Variants in IPO11 observed in about 807,000 individuals in gnomAD.
IPO11 encodes the protein importin 11.
IPO11 carries 66 observed loss-of-function variants against 143.2 expected under a neutral mutation model. The ratio of observed to expected loss-of-function variants is 0.46; its 90% CI spans 0.38 to 0.57. IPO11 has a LOEUF of 0.57. Ranked by LOEUF, IPO11 falls within the 20% of genes least tolerant of loss-of-function variation. IPO11 has a pLI of 0.00. For missense variants in IPO11, 1,026 were observed against 1,141.0 expected, an observed-to-expected ratio of 0.90 and a Z score of 1.45; for synonymous variants, 385 against 377.8, an observed-to-expected ratio of 1.02 and a Z score of -0.22.
intron 28 of IPO11, among the ~76,000 whole-genome samples, chr5:62,592,078 G>T (rs537883263): frequency 6.6e-6 from 1 of 152,056 alleles, no homozygotes; most frequent in Non-Finnish European, 1.5e-5. Flanking sequence ...TTGAACTCCC[G>T]ACCTCAAGTG....
intron 27 of IPO11, among the ~76,000 whole-genome samples, chr5:62,562,801 T>A (rs375089243): frequency 3.3e-5 from 5 of 152,372 alleles, no homozygotes; most frequent in South Asian, 4.1e-4. Flanking sequence ...TAAGGACATA[T>A]GTAATTATTT....
At chr5:62,559,916 CAAAAAAAAAAAAA>C (rs759468696) in intron 26 of IPO11, among the ~76,000 whole-genome samples, 1 of 17,028 alleles carries the variant, frequency 5.9e-5, no homozygotes, top group African/African-American at 3.6e-4. Flanking sequence ...AACTCTGTCT[CAAAAAAAAAAAAA>C]AAAAAAAAAA....
intron 19 of IPO11, among the ~76,000 whole-genome samples, chr5:62,506,951 A>G (rs1741574972): frequency 6.6e-6 from 1 of 152,188 alleles, no homozygotes. Context: ...GCATTGTATT[A>G]GGAAAGATAA....
intron 29 of IPO11, among the ~76,000 whole-genome samples, chr5:62,621,468 A>G (rs1276965039): frequency 6.6e-6 from 1 of 152,144 alleles, no homozygotes; most frequent in Admixed American, 6.5e-5. Context: ...TACATTTCCC[A>G]AGGCTCCACC....
intron 2 of IPO11, among the ~76,000 whole-genome samples, chr5:62,440,128 T>C (rs1305059703): frequency 6.6e-6 from 1 of 152,258 alleles, no homozygotes; most frequent in East Asian, 1.9e-4. Flanking sequence ...CAAGACTCAA[T>C]GTAGTATAGA....
intron 27 of IPO11, among the ~76,000 whole-genome samples, chr5:62,570,020 T>C (rs912483328): frequency 5.3e-5 from 8 of 152,206 alleles, no homozygotes; most frequent in Admixed American, 3.9e-4. Flanking sequence ...GTTTGGGGAC[T>C]GGTTTTCCAG....
At chr5:62,554,022 C>T (rs1011828609) in intron 26 of IPO11, among the ~76,000 whole-genome samples, 1 of 152,114 alleles carries the variant, frequency 6.6e-6, no homozygotes, top group Non-Finnish European at 1.5e-5. Context: ...TGAGTCACTG[C>T]GCCTGGCAGA....
At chr5:62,417,925 T>C (rs539084223) in intron 1 of IPO11, among the ~76,000 whole-genome samples, 3 of 152,198 alleles carry the variant, frequency 2.0e-5, no homozygotes, top group Non-Finnish European at 2.9e-5. Context: ...TATTAACTTA[T>C]GTGTAACCCC....
At chr5:62,549,832 C>A (rs948185686) in intron 24 of IPO11, among the ~76,000 whole-genome samples, 3 of 152,178 alleles carry the variant, frequency 2.0e-5, no homozygotes, top group African/African-American at 7.2e-5. Context: ...ATACTCATGA[C>A]TGATCTGTAT....
At chr5:62,591,021 C>T (rs1031036818) in intron 27 of IPO11, among the ~76,000 whole-genome samples, 9 of 152,146 alleles carry the variant, frequency 5.9e-5, no homozygotes. Flanking sequence ...CAGTCTTGAA[C>T]TCCTGGCCTC....
At chr5:62,525,733 A>AT (rs1742350062) in intron 20 of IPO11, among the ~76,000 whole-genome samples, 1 of 152,184 alleles carries the variant, frequency 6.6e-6, no homozygotes, top group Non-Finnish European at 1.5e-5. Context: ...CTGTTCCATA[A>AT]TTCGGTTACT....
At chr5:62,617,795 G>A (rs1019903633) in intron 29 of IPO11, among the ~76,000 whole-genome samples, 6 of 152,060 alleles carry the variant, frequency 3.9e-5, no homozygotes, top group African/African-American at 1.4e-4. Context: ...AGTTTTATAG[G>A]ATTCTAAAAA....
At chr5:62,525,500 C>T (rs558421994) in intron 20 of IPO11, among the ~76,000 whole-genome samples, 35 of 152,206 alleles carry the variant, frequency 2.3e-4, no homozygotes, top group African/African-American at 8.2e-4. Context: ...CCTCCTGCCT[C>T]AGTCTCCTGA....
At chr5:62,507,396 T>A (rs1170332349) in intron 19 of IPO11, among the ~76,000 whole-genome samples, 1 of 152,202 alleles carries the variant, frequency 6.6e-6, no homozygotes, top group African/African-American at 2.4e-5. Flanking sequence ...TTGATGGTGT[T>A]TTTTTCAACA....
At chr5:62,480,736 G>T (rs1746164509) in intron 9 of IPO11, among the ~76,000 whole-genome samples, 1 of 151,854 alleles carries the variant, frequency 6.6e-6, no homozygotes, top group Non-Finnish European at 1.5e-5. Flanking sequence ...TTGGCTGTTT[G>T]TCTATTACTG....
intron 20 of IPO11, among the ~76,000 whole-genome samples, chr5:62,525,365 T>TG (rs1249684761): frequency 2.3e-3 from 343 of 149,594 alleles, no homozygotes; most frequent in African/African-American, 8.0e-3. Flanking sequence ...CCTTTTTTTT[T>TG]TTTTGTGTGT....
At chr5:62,487,447 G>T (rs1185546897) in intron 12 of IPO11, among the ~76,000 whole-genome samples, 1 of 152,026 alleles carries the variant, frequency 6.6e-6, no homozygotes, top group African/African-American at 2.4e-5. Flanking sequence ...AGCTATAAAT[G>T]AGTGGCTACA....
chr5:62,537,491 G>T (rs1742775147), intron 24 of IPO11, among the ~76,000 whole-genome samples: 1 of 152,100 alleles, frequency 6.6e-6, no homozygotes. Flanking sequence ...ACAGGCAAGA[G>T]ATCAACTGGA....
At chr5:62,421,165 T>G (rs1410426496) in intron 1 of IPO11, among the ~76,000 whole-genome samples, 1 of 152,218 alleles carries the variant, frequency 6.6e-6, no homozygotes, top group Non-Finnish European at 1.5e-5. Context: ...TAGCTCTTCT[T>G]TTCTATATAT....
Sources: allele counts gnomAD v4.1 joint callset (sites outside exome capture counted in the v4.1 genomes callset), GRCh38; gene constraint gnomAD v4.1.1; transcripts MANE v1.5; gene names NCBI Gene and HGNC (gene_info 2026-07-23, HGNC 2026-07-21).